The following LAMB1 variants were observed in gnomAD, a reference collection of about 807,000 sequenced individuals.
The protein encoded by LAMB1 is laminin subunit beta 1.
In LAMB1, 121 loss-of-function variants were observed where a neutral mutation model predicts 222.3. The observed-to-expected ratio is 0.54, with a 90% confidence interval of 0.47 to 0.63. The LOEUF (loss-of-function observed/expected upper bound fraction) is 0.63. LAMB1 is among the 30% of genes least tolerant of loss of function. The probability of loss-of-function intolerance (pLI) is 0.00; values close to 1 mark genes in which losing one functional copy is unlikely to be tolerated. For synonymous variants in LAMB1, 794 were observed against 807.2 expected, an observed-to-expected ratio of 0.98 and a Z score of 0.28; for missense variants, 2,172 against 2,240.8, an observed-to-expected ratio of 0.97 and a Z score of 0.62.
chr7:107,948,100 C>A (rs2033158983), intron 24 of LAMB1, among the ~76,000 whole-genome samples: 1 of 149,824 alleles, frequency 6.7e-6, no homozygotes, highest in East Asian at 2.0e-4. Context: ...GATTCTCATG[C>A]CTCAGCCTCC....
intron 32 of LAMB1, 72 bp downstream of exon 32, chr7:107,926,111 T>C: frequency 3.3e-6 from 4 of 1,219,482 alleles, no homozygotes; most frequent in Non-Finnish European, 3.6e-6. Context: ...TGTCCCTTAC[T>C]CTAAGGCAGG....
intron 25 of LAMB1, 35 bp from the exon 26 acceptor site, chr7:107,937,312 T>A: frequency 6.4e-7 from 1 of 1,559,162 alleles, no homozygotes; most frequent in Non-Finnish European, 8.8e-7. Flanking sequence ...TTACATAAAA[T>A]AAACCCAAGG....
chr7:107,971,547 C>T (rs1292585512), intron 13 of LAMB1, among the ~76,000 whole-genome samples: 2 of 152,218 alleles, frequency 1.3e-5, no homozygotes, highest in African/African-American at 4.8e-5. Context: ...AGTCACCAGA[C>T]TACAAGGCAT....
Position 107,932,170 on chromosome 7 carries a change from T to C in LAMB1, c.4392+4A>G. The C allele has an allele frequency of 6.2e-7, 1 of 1,614,056 alleles. No individual in the cohort carries two copies. The highest frequency in any genetic ancestry group is 8.5e-7 in the Non-Finnish European group (1 of 1,179,890). On this transcript the variant is annotated splice_donor_region_variant and intron_variant, in intron 28 of 33. Transcript: ENST00000222399. Reference sequence around the variant, plus strand: ...ACAAAAACTGAGGCCATCCACTGAGTTACCATCTTGGAGAGCTGTTCCACT... The same window carrying C: ...ACAAAAACTGAGGCCATCCACTGAGCTACCATCTTGGAGAGCTGTTCCACT...
At chr7:107,991,089 T>A (rs1426461601) in intron 5 of LAMB1, among the ~76,000 whole-genome samples, 4 of 152,186 alleles carry the variant, frequency 2.6e-5, no homozygotes, top group Non-Finnish European at 4.4e-5. Context: ...TAATTTTTTT[T>A]AAAAGATTCA....
intron 20 of LAMB1, among the ~76,000 whole-genome samples, chr7:107,958,061 C>T (rs908729774): frequency 6.6e-6 from 1 of 152,294 alleles, no homozygotes; most frequent in Middle Eastern, 3.4e-3. Context: ...CTGTTTGCTT[C>T]TGTTCCCCCT....
intron 5 of LAMB1, among the ~76,000 whole-genome samples, chr7:107,990,542 A>G (rs781747998): frequency 1.5e-4 from 22 of 150,122 alleles, no homozygotes; most frequent in Non-Finnish European, 2.5e-4. Context: ...TCACTTGACT[A>G]ACTAATTTTT....
chr7:107,988,017 T>C (rs956324194), intron 5 of LAMB1, among the ~76,000 whole-genome samples: 2 of 152,156 alleles, frequency 1.3e-5, no homozygotes, highest in African/African-American at 4.8e-5. Context: ...TTACTGGACA[T>C]GGATGATACA....
At chr7:107,995,089 G>T in intron 4 of LAMB1, 129 bp from the exon 5 acceptor site, 1 of 566,156 alleles carries the variant, frequency 1.8e-6, no homozygotes, top group Non-Finnish European at 3.1e-6. Context: ...TCTACCTTAA[G>T]CTGAAGCTGA....
chr7:107,974,357 G>A (rs1224866710), intron 12 of LAMB1, among the ~76,000 whole-genome samples: 1 of 144,836 alleles, frequency 6.9e-6, no homozygotes, highest in Non-Finnish European at 1.5e-5. Context: ...TCCTGTGTGT[G>A]TTTTTTTTTT....
At chr7:107,987,216 G>A (rs1459666628) in intron 5 of LAMB1, among the ~76,000 whole-genome samples, 1 of 152,308 alleles carries the variant, frequency 6.6e-6, no homozygotes, top group African/African-American at 2.4e-5. Flanking sequence ...CAAATATTGT[G>A]TGATTCCACT....
At chr7:107,967,895 GAGA>G (rs1562994854) in intron 13 of LAMB1, among the ~76,000 whole-genome samples, 1 of 152,172 alleles carries the variant, frequency 6.6e-6, no homozygotes, top group Non-Finnish European at 1.5e-5. Context: ...AGCACTAAGG[GAGA>G]AGAAGATATG....
intron 7 of LAMB1, among the ~76,000 whole-genome samples, chr7:107,985,777 G>C (rs2034063595): frequency 6.6e-6 from 1 of 151,784 alleles, no homozygotes; most frequent in Non-Finnish European, 1.5e-5. Context: ...GACCAACATG[G>C]AGAAACCCCG....
chr7:107,988,250 G>C (rs187079807), intron 5 of LAMB1, among the ~76,000 whole-genome samples: 1 of 152,238 alleles, frequency 6.6e-6, no homozygotes, highest in Non-Finnish European at 1.5e-5. Context: ...TGCCAATGAC[G>C]ACAACGTGGA....
At chr7:107,958,706 A>G (rs1213793340) in intron 20 of LAMB1, among the ~76,000 whole-genome samples, 3 of 152,184 alleles carry the variant, frequency 2.0e-5, no homozygotes, top group Non-Finnish European at 4.4e-5. Context: ...TTATGGAGGT[A>G]TATTCTCTCT....
chr7:107,957,421 G>A (rs1179767792), intron 20 of LAMB1, among the ~76,000 whole-genome samples: 1 of 152,098 alleles, frequency 6.6e-6, no homozygotes, highest in Non-Finnish European at 1.5e-5. Flanking sequence ...ACAACAAAAA[G>A]CCTGTAATCC....
chr7:108,003,076 T>G lies in LAMB1; in HGVS notation c.-87+35A>C, dbSNP rs2395935. ...CGGAAGCGGGGGGTGGGCTGGAAAGTGGGGAAAATCGTGCAGCCACTTTGT... is the reference window on the plus strand; with the variant it reads ...CGGAAGCGGGGGGTGGGCTGGAAAGGGGGGAAAATCGTGCAGCCACTTTGT... On this transcript the variant is annotated intron_variant, in intron 1 of 33. Transcript: ENST00000222399. The G allele has an allele frequency of 0.87, 1,142,828 of 1,308,710 alleles. 499,891 individuals are homozygous for G. The highest frequency in any genetic ancestry group is 0.99 in the East Asian group (37,961 of 38,258). 81.1% of individuals were successfully genotyped at this position (1,308,710 alleles called of 1,614,324 possible).
At position 107,924,106 on chromosome 7, in the gene LAMB1, A is replaced by ATT; in HGVS notation, c.5225-20_5225-19insAA. On this transcript the variant is annotated intron_variant, in intron 33 of 33. Transcript: ENST00000222399. ...TCTAAATCTGTGGGGAGATATATAT[A>ATT]TATAAAGTCTGAGCAATTTATACTA... The ATT allele has an allele frequency of 6.5e-7, 1 of 1,529,486 alleles. No homozygotes were observed. Among genetic ancestry groups the ATT allele is most frequent in the Non-Finnish European group, 8.7e-7 (1 of 1,144,900 alleles). The allele number at this position is 1,529,486 out of a possible 1,614,324, so 94.7% of individuals were successfully genotyped here.
chr7:107,954,331 ATTTTTT>A (rs35519789), intron 21 of LAMB1, among the ~76,000 whole-genome samples: 1 of 133,622 alleles, frequency 7.5e-6, no homozygotes, highest in African/African-American at 2.7e-5. Flanking sequence ...ATTTTGTAAA[ATTTTTT>A]TTTTTTTTTT....
Sources: allele counts gnomAD v4.1 joint callset (sites outside exome capture counted in the v4.1 genomes callset), GRCh38; gene constraint gnomAD v4.1.1; transcripts MANE v1.5; gene names NCBI Gene and HGNC (gene_info 2026-07-23, HGNC 2026-07-21).